ARID1A: variants seen among roughly 807,000 people sequenced by gnomAD.
The protein encoded by ARID1A is AT-rich interactive domain-containing protein 1A.
A neutral mutation model predicts 212.6 loss-of-function variants in ARID1A; 20 were observed. The ratio of observed to expected loss-of-function variants is 0.09; its 90% CI spans 0.07 to 0.14. ARID1A has a LOEUF of 0.14. ARID1A is among the 10% of genes least tolerant of loss of function. The probability of loss-of-function intolerance (pLI) is 1.00; values close to 1 mark genes in which losing one functional copy is unlikely to be tolerated. For missense variants in ARID1A, 2,587 were observed against 3,059.0 expected (o/e 0.85, Z 3.64); for synonymous variants, 1,376 against 1,222.1 (o/e 1.13, Z -2.63).
intron 12 of ARID1A, 163 bp from the exon 13 acceptor site, chr1:26,772,337 C>CT (rs1278820881): frequency 9.8e-7 from 1 of 1,016,512 alleles, no homozygotes; most frequent in Non-Finnish European, 1.4e-6. Context: ...AGATTCCCGT[C>CT]TTTATGACCT....
intron 1 of ARID1A, among the ~76,000 whole-genome samples, chr1:26,723,109 T>C (rs951977201): frequency 2.6e-5 from 4 of 152,144 alleles, no homozygotes; most frequent in African/African-American, 9.7e-5. Context: ...TAAGGGGCGT[T>C]AGATACAGTT....
Position 26,781,729 on chromosome 1 carries a change from C to G in ARID1A, c.*973C>G, listed in dbSNP as rs952002276. On this transcript the variant is annotated 3_prime_UTR_variant, in exon 20 of 20. Transcript: ENST00000324856. ...AGTTGGTGACCTGCACAAAGCGAGA[C>G]ACAGCTATTTAATCTCTTGCCAGAT... 8.6e-6 allele frequency: 2 copies of G among 233,642 alleles called. No homozygotes were observed. Among genetic ancestry groups the G allele is most frequent in the Admixed American group, 1.1e-4 (2 of 17,774 alleles). 14.5% of individuals were successfully genotyped at this position (233,642 alleles called of 1,614,324 possible).
intron 1 of ARID1A, among the ~76,000 whole-genome samples, chr1:26,703,060 G>T (rs6666121): frequency 0.73 from 111,268 of 152,032 alleles, 42,483 homozygotes; most frequent in East Asian, 1. Flanking sequence ...CTGTTGTGCT[G>T]GGGATTATAA....
chr1:26,777,616 C>G (rs955547411), intron 19 of ARID1A, among the ~76,000 whole-genome samples: 1 of 152,092 alleles, frequency 6.6e-6, no homozygotes, highest in African/African-American at 2.4e-5. Context: ...TCAAGTGATT[C>G]TCCCACTTCA....
In ARID1A at chr1:26,781,289, C is replaced by T; in HGVS notation, c.*533C>T. On this transcript the variant is annotated 3_prime_UTR_variant, in exon 20 of 20. Coordinates refer to ENST00000324856, the MANE Select transcript of ARID1A (RefSeq NM_006015.6). ...AAGAAGTTCGCAGTTGTGAACAGAC[C>T]CTGTTCACTGGAGAGGCCTGTGCAG... is the stretch of plus-strand genomic sequence containing the variant. 8.5e-6 allele frequency: 2 copies of T among 235,224 alleles called. No homozygotes were observed. The highest frequency in any genetic ancestry group is 1.7e-5 in the Non-Finnish European group (2 of 119,314). The allele number at this position is 235,224 out of a possible 1,614,324, so 14.6% of individuals were successfully genotyped here. A position where few individuals can be genotyped will look rare whatever the true frequency, so the allele number is the denominator to read the frequency against.
intron 1 of ARID1A, among the ~76,000 whole-genome samples, chr1:26,726,326 G>A (rs1305067669): frequency 2.6e-5 from 4 of 151,622 alleles, no homozygotes; most frequent in East Asian, 1.9e-4. Flanking sequence ...GGCATGTGCC[G>A]CCACACCCAG....
intron 19 of ARID1A, chr1:26,778,718 CAGA>C (rs1557619267): frequency 3.9e-6 from 1 of 254,972 alleles, no homozygotes; most frequent in Non-Finnish European, 7.4e-6. Context: ...TGAAGAAAAG[CAGA>C]AGATTAATTG....
chr1:26,775,658 A>G lies in ARID1A; in HGVS notation c.5075A>G (p.Asn1692Ser), dbSNP rs1192048475. ...AESTWALDTI[N>S]ILLYDDNSIM... ...AGCACATGGGCATTAGATACCATCA[A>G]CATCCTGCTGTATGATGACAACAGC... is the stretch of plus-strand genomic sequence containing the variant. The change falls in exon 19 of 20, where the codon AAC becomes AGC. Residue 1692 changes from asparagine (N) to serine (S), a missense_variant. By Grantham distance (46) the Asn-to-Ser change is conservative (BLOSUM62 1). Coordinates refer to ENST00000324856, the MANE Select transcript of ARID1A (RefSeq NM_006015.6). 2 of 1,614,232 alleles carry G rather than the reference A, an allele frequency of 1.2e-6. No homozygotes were observed. The highest frequency in any genetic ancestry group is 1.7e-6 in the Non-Finnish European group (2 of 1,180,040).
rs2124115388 is a variant in ARID1A at position 26,773,895 on chromosome 1, G to A, written c.4098G>A (p.Gln1366=). The A allele has an allele frequency of 6.2e-7, 1 of 1,614,102 alleles. No homozygotes were observed. Among genetic ancestry groups the A allele is most frequent in the Non-Finnish European group, 8.5e-7 (1 of 1,179,954 alleles). The part of the protein sequence containing the change: ...SQQTTMYQQQ[Q]QNYKRPMDGT... ...AGACTACAATGTATCAACAGCAACA[G>A]CAGGTGAGGAGGGTAGCTGGGAATG... Residue 1366 remains glutamine (Q), a synonymous_variant, in exon 17 of 20, where the codon CAG becomes CAA. Transcript: ENST00000324856.
intron 1 of ARID1A, among the ~76,000 whole-genome samples, chr1:26,700,116 C>T (rs1178825038): frequency 1.3e-5 from 2 of 152,192 alleles, no homozygotes; most frequent in Non-Finnish European, 2.9e-5. Context: ...GACAGTGCAG[C>T]TTCCACTTCT....
At chr1:26,716,582 T>C (rs778036671) in intron 1 of ARID1A, among the ~76,000 whole-genome samples, 1 of 152,142 alleles carries the variant, frequency 6.6e-6, no homozygotes, top group Non-Finnish European at 1.5e-5. Flanking sequence ...CATTGAGGCA[T>C]GCTGGGCTAG....
At position 26,766,559 on chromosome 1, in the gene ARID1A, A is replaced by G; in HGVS notation, c.2981A>G (p.Lys994Arg). The G allele has an allele frequency of 6.2e-7, 1 of 1,609,936 alleles. No individual in the cohort carries two copies. Among genetic ancestry groups the G allele is most frequent in the Non-Finnish European group, 8.5e-7 (1 of 1,178,002 alleles). ...GATGGGACACCCAAGACAGAATCCA[A>G]ATCCAAGGTAGTGATTTTTGTCTTG... ...KADGTPKTES[K>R]SKKSSSSTTT... The change falls in exon 10 of 20, where the codon AAA becomes AGA. Residue 994 changes from lysine to arginine, a missense_variant. Coordinates refer to ENST00000324856, the MANE Select transcript of ARID1A (RefSeq NM_006015.6).
intron 1 of ARID1A, among the ~76,000 whole-genome samples, chr1:26,708,264 C>A (rs1020879174): frequency 1.5e-5 from 1 of 67,838 alleles, no homozygotes; most frequent in African/African-American, 6.5e-5. Context: ...TACAGTCCTT[C>A]ACTTTTTTTT....
rs114341804 is a variant in ARID1A at position 26,756,282 on chromosome 1, G to A, written c.1921-4574G>A. The stretch of plus-strand genomic sequence containing the variant: ...TTAAAAATTAGCCGGGGGGCCAGGC[G>A]TGGTGGCTCATGCCTGTAATACCGG... On this transcript the variant is annotated intron_variant, in intron 4 of 19. Transcript: ENST00000324856. Among the ~76,000 whole-genome samples, 544 of 152,088 alleles carry A rather than the reference G, an allele frequency of 3.6e-3. 1 individual carries two copies. Among genetic ancestry groups the A allele is most frequent in the Middle Eastern group, 0.014 (4 of 292 alleles).
chr1:26,732,561 A>G (rs2080689693), intron 3 of ARID1A, 115 bp from the exon 4 acceptor site: 2 of 800,550 alleles, frequency 2.5e-6, no homozygotes, highest in Admixed American at 2.3e-5. Context: ...TACTTTTCGC[A>G]ACTGGACTTT....
At chr1:26,775,728 A>T (rs2124127476) in intron 19 of ARID1A, 21 bp downstream of exon 19, 1 of 1,614,084 alleles carries the variant, frequency 6.2e-7, no homozygotes, top group Non-Finnish European at 8.5e-7. Context: ...GTGCCTGGGG[A>T]AGATTGAGAG....
intron 7 of ARID1A, among the ~76,000 whole-genome samples, chr1:26,762,601 G>A (rs923008598): frequency 2.0e-5 from 3 of 152,162 alleles, no homozygotes; most frequent in Admixed American, 6.5e-5. Flanking sequence ...TTTATACATG[G>A]TAGCTCTTGG....
intron 4 of ARID1A, among the ~76,000 whole-genome samples, chr1:26,748,880 C>T (rs1168022090): frequency 6.6e-6 from 1 of 151,810 alleles, no homozygotes; most frequent in Non-Finnish European, 1.5e-5. Flanking sequence ...TTGGAAAACT[C>T]TCGGCCAGGC....
Position 26,697,624 on chromosome 1 carries a change from G to A in ARID1A, c.1137+84G>A, listed in dbSNP as rs1298752819. On this transcript the variant is annotated intron_variant, in intron 1 of 19. Coordinates refer to ENST00000324856, the MANE Select transcript of ARID1A (RefSeq NM_006015.6). ...CTGCGGTGAGCGGGCCACAGCCTTG[G>A]GCTCCCCTCAGTCCCGGGCCCCCAC... 3.3e-6 allele frequency: 4 copies of A among 1,217,324 alleles called. No homozygotes were observed. The East Asian group carries it at 9.6e-5, about 29-fold the overall frequency. 75.4% of individuals were successfully genotyped at this position (1,217,324 alleles called of 1,614,324 possible).
Sources: gnomAD v4.1 joint callset for allele counts (sites outside exome capture counted in the v4.1 genomes callset) on GRCh38, gnomAD v4.1.1 for gene constraint, MANE v1.5 for transcripts, NCBI Gene and HGNC (gene_info 2026-07-23, HGNC 2026-07-21) for gene names.